The following ARHGAP10 variants were observed in gnomAD, a reference collection of about 807,000 sequenced individuals.
The protein encoded by ARHGAP10 is Rho GTPase activating protein 10.
Under a neutral mutation model 108.6 loss-of-function variants are expected in ARHGAP10, and 87 were observed. The observed-to-expected ratio is 0.80, with a 90% CI of 0.67 to 0.96. ARHGAP10 has a LOEUF of 0.96. Ranked by LOEUF, ARHGAP10 falls within the 40% of genes least tolerant of loss-of-function variation. The probability of loss-of-function intolerance (pLI) is 0.00; values close to 1 mark genes in which losing one functional copy is unlikely to be tolerated. For synonymous variants in ARHGAP10, 347 were observed against 341.1 expected (o/e 1.02, Z -0.19); for missense variants, 939 against 954.5 (o/e 0.98, Z 0.21).
In ARHGAP10 at chr4:147,966,843, A is replaced by G. The variant is rs549295974; in HGVS notation, c.1716+4A>G. On this transcript the variant is annotated splice_donor_region_variant and intron_variant, in intron 18 of 22. Transcript: ENST00000336498. Reference sequence around the variant, plus strand: ...CTTAATTGAAAACCATGAAAAGGTAAAATTTTTTTTTTCTTTAAGAGACTT... The same window carrying G: ...CTTAATTGAAAACCATGAAAAGGTAGAATTTTTTTTTTCTTTAAGAGACTT... 6.4e-7 allele frequency: 1 copy of G among 1,565,416 alleles called. No homozygotes were observed. The highest frequency in any genetic ancestry group is 1.8e-5 in the Admixed American group (1 of 56,774).
chr4:147,780,980 A>G (rs1730506831), intron 1 of ARHGAP10, among the ~76,000 whole-genome samples: 1 of 152,100 alleles, frequency 6.6e-6, no homozygotes, highest in African/African-American at 2.4e-5. Context: ...AGAATGAGAG[A>G]AGACGCAAGG....
At chr4:147,772,491 GCTTATTGA>G (rs1314759834) in intron 1 of ARHGAP10, among the ~76,000 whole-genome samples, 1 of 152,178 alleles carries the variant, frequency 6.6e-6, no homozygotes, top group Non-Finnish European at 1.5e-5. Context: ...ATGAGTATAG[GCTTATTGA>G]CTTAATGTTC....
intron 18 of ARHGAP10, among the ~76,000 whole-genome samples, chr4:148,022,881 T>C (rs1177639620): frequency 6.6e-6 from 1 of 152,244 alleles, no homozygotes; most frequent in East Asian, 1.9e-4. Context: ...AACGTTTTGG[T>C]GTAAATATAA....
intron 3 of ARHGAP10, among the ~76,000 whole-genome samples, chr4:147,837,118 C>G (rs925821672): frequency 2.6e-5 from 4 of 151,928 alleles, no homozygotes; most frequent in Non-Finnish European, 5.9e-5. Context: ...CTTTATTGGC[C>G]ATCTTAATCT....
intron 18 of ARHGAP10, among the ~76,000 whole-genome samples, chr4:147,983,659 T>G (rs559217432): frequency 5.9e-5 from 9 of 152,382 alleles, no homozygotes; most frequent in African/African-American, 2.2e-4. Flanking sequence ...AGTTCTGTTT[T>G]GTTCCTTCTT....
chr4:148,067,393 T>C (rs1729944254), intron 22 of ARHGAP10, among the ~76,000 whole-genome samples: 1 of 152,176 alleles, frequency 6.6e-6, no homozygotes, highest in East Asian at 1.9e-4. Flanking sequence ...CTTCCTTAAA[T>C]GGCTATGGGG....
intron 18 of ARHGAP10, among the ~76,000 whole-genome samples, chr4:148,007,987 T>C (rs1233602539): frequency 6.6e-6 from 1 of 152,128 alleles, no homozygotes; most frequent in Non-Finnish European, 1.5e-5. Context: ...AGGACTGCAG[T>C]TGGGTTAGCA....
At chr4:147,956,458 T>C (rs563245197) in intron 16 of ARHGAP10, among the ~76,000 whole-genome samples, 104 of 152,218 alleles carry the variant, frequency 6.8e-4, no homozygotes, top group African/African-American at 2.4e-3. Flanking sequence ...GTTCTATTCG[T>C]TTTTGTTTTC....
intron 1 of ARHGAP10, among the ~76,000 whole-genome samples, chr4:147,787,769 G>A (rs1730952192): frequency 6.6e-6 from 1 of 152,090 alleles, no homozygotes; most frequent in Non-Finnish European, 1.5e-5. Flanking sequence ...CTGTCGCCTT[G>A]TGTGCACAGC....
chr4:148,001,148 C>T (rs1220061509), intron 18 of ARHGAP10, among the ~76,000 whole-genome samples: 3 of 152,146 alleles, frequency 2.0e-5, no homozygotes, highest in Non-Finnish European at 4.4e-5. Context: ...GCCAGTTTTC[C>T]CAGCACCTTT....
chr4:147,811,347 C>T (rs1449203111), intron 1 of ARHGAP10, among the ~76,000 whole-genome samples: 2 of 152,300 alleles, frequency 1.3e-5, no homozygotes, highest in Non-Finnish European at 2.9e-5. Flanking sequence ...TGTGAACCCA[C>T]TGTGTATATT....
At chr4:147,975,581 T>C (rs1422570133) in intron 18 of ARHGAP10, among the ~76,000 whole-genome samples, 2 of 152,168 alleles carry the variant, frequency 1.3e-5, no homozygotes, top group Non-Finnish European at 2.9e-5. Flanking sequence ...CAAGAGAACA[T>C]GTGAAAAAGG....
chr4:147,777,373 C>A (rs1423437958), intron 1 of ARHGAP10, among the ~76,000 whole-genome samples: 1 of 151,938 alleles, frequency 6.6e-6, no homozygotes, highest in African/African-American at 2.4e-5. Context: ...ATTCTCCTGA[C>A]TCAGCCTCCC....
chr4:147,880,668 G>T (rs1579153978), intron 9 of ARHGAP10, among the ~76,000 whole-genome samples: 1 of 152,210 alleles, frequency 6.6e-6, no homozygotes, highest in East Asian at 1.9e-4. Flanking sequence ...TTATATAGTT[G>T]TTCTTTTACT....
chr4:147,832,374 C>T (rs1008005801), intron 3 of ARHGAP10, among the ~76,000 whole-genome samples: 9 of 150,294 alleles, frequency 6.0e-5, no homozygotes, highest in African/African-American at 2.2e-4. Context: ...GGAGTCCAGG[C>T]ACGGTAGCTC....
chr4:148,048,486 T>G (rs147889806), intron 20 of ARHGAP10, among the ~76,000 whole-genome samples: 1 of 152,334 alleles, frequency 6.6e-6, no homozygotes, highest in East Asian at 1.9e-4. Context: ...CCTACATTAC[T>G]AGGTATGCTT....
intron 18 of ARHGAP10, among the ~76,000 whole-genome samples, chr4:147,984,847 G>A (rs1739969004): frequency 6.6e-6 from 1 of 152,234 alleles, no homozygotes; most frequent in African/African-American, 2.4e-5. Context: ...GGGCCAATCT[G>A]TGGAGTGCAC....
intron 13 of ARHGAP10, among the ~76,000 whole-genome samples, chr4:147,934,787 T>C (rs1027944459): frequency 2.2e-4 from 33 of 152,236 alleles, no homozygotes; most frequent in Non-Finnish European, 4.1e-4. Context: ...AGAGCTGTTA[T>C]CACACCACTG....
intron 10 of ARHGAP10, among the ~76,000 whole-genome samples, chr4:147,897,032 A>G (rs1376757061): frequency 6.6e-6 from 1 of 152,030 alleles, no homozygotes; most frequent in African/African-American, 2.4e-5. Flanking sequence ...TTTATGAAAT[A>G]TCTCTGTGCT....
Sources: allele counts gnomAD v4.1 joint callset (sites outside exome capture counted in the v4.1 genomes callset), GRCh38; gene constraint gnomAD v4.1.1; transcripts MANE v1.5; gene names NCBI Gene and HGNC (gene_info 2026-07-23, HGNC 2026-07-21).